The following PARD3B variants were observed in gnomAD, a reference collection of about 807,000 sequenced individuals.
PARD3B encodes par-3 family cell polarity regulator beta, also known as partitioning defective 3 homolog B.
Under a neutral mutation model 130.2 loss-of-function variants are expected in PARD3B, and 103 were observed. That is an observed-to-expected ratio of 0.79 (90% CI 0.67 to 0.93). PARD3B has a LOEUF of 0.93. PARD3B is among the 40% of genes least tolerant of loss of function. PARD3B has a pLI of 0.00. For synonymous variants in PARD3B, 583 were observed against 553.2 expected, an observed-to-expected ratio of 1.05 and a Z score of -0.76; for missense variants, 1,609 against 1,499.2, an observed-to-expected ratio of 1.07 and a Z score of -1.21.
intron 2 of PARD3B, among the ~76,000 whole-genome samples, chr2:204,850,646 A>T (rs1260620212): frequency 6.6e-6 from 1 of 152,156 alleles, no homozygotes; most frequent in Non-Finnish European, 1.5e-5. Flanking sequence ...GTTAGTGGGC[A>T]GTGCTGGCAG....
chr2:205,238,117 A>G (rs2039151253), intron 15 of PARD3B, among the ~76,000 whole-genome samples: 1 of 152,240 alleles, frequency 6.6e-6, no homozygotes, highest in Non-Finnish European at 1.5e-5. Flanking sequence ...TTCACTCAGC[A>G]GACATTAATG....
At chr2:205,259,580 C>G (rs1265020596) in intron 16 of PARD3B, among the ~76,000 whole-genome samples, 2 of 152,010 alleles carry the variant, frequency 1.3e-5, no homozygotes, top group African/African-American at 4.8e-5. Context: ...TGGTATGACT[C>G]CCATGGCTTT....
chr2:204,548,951 A>G (rs2030226721), intron 1 of PARD3B, among the ~76,000 whole-genome samples: 1 of 152,198 alleles, frequency 6.6e-6, no homozygotes, highest in African/African-American at 2.4e-5. Flanking sequence ...TGGGAGAAAG[A>G]CAGGTTTCAA....
chr2:204,926,391 C>T (rs1559266229), intron 2 of PARD3B, among the ~76,000 whole-genome samples: 1 of 152,100 alleles, frequency 6.6e-6, no homozygotes, highest in African/African-American at 2.4e-5. Context: ...TTTCAAGCAA[C>T]TTCTTTTCTC....
rs2046313855 is a variant in PARD3B, at chr2:204,887,795, C to A, written c.223-77357C>A. 6.6e-6 allele frequency among the ~76,000 whole-genome samples: 1 copy of A among 151,978 alleles called. No individual in the cohort carries two copies. The highest frequency in any genetic ancestry group is 1.5e-5 in the Non-Finnish European group (1 of 68,032). On this transcript the variant is annotated intron_variant, in intron 2 of 22. Transcript: ENST00000406610. This position sits in a 1 kb window ranked among gnomAD's most constrained non-coding sequence, Gnocchi z 4.2. ...AAACCAAATAGCGATACAAGGCAAC[C>A]CTACCAGAGGCATACGACCAGACAG... is the stretch of plus-strand genomic sequence containing the variant.
rs549711046 is a variant in PARD3B, at chr2:205,301,328, C to T, written c.2393-136C>T. 14 of 1,410,182 alleles carry T rather than the reference C, an allele frequency of 9.9e-6. No homozygotes were observed. The South Asian group carries it at 1.1e-4, about 11-fold the overall frequency. The allele number at this position is 1,410,182 out of a possible 1,614,324, so 87.4% of individuals were successfully genotyped here. On this transcript the variant is annotated intron_variant, in intron 17 of 22. Transcript: ENST00000406610. The surrounding 1 kb of genome is among the most constrained non-coding windows in gnomAD (Gnocchi z 5.2). Reference sequence around the variant, plus strand: ...TTTAGGCAGTCAGATCTTCAAAGGGCGCACGTAACCACATAGAAGGGTAGA... The same window carrying T: ...TTTAGGCAGTCAGATCTTCAAAGGGTGCACGTAACCACATAGAAGGGTAGA...
chr2:205,493,132 A>G (rs1224168439), intron 20 of PARD3B, among the ~76,000 whole-genome samples: 1 of 152,104 alleles, frequency 6.6e-6, no homozygotes, highest in East Asian at 1.9e-4. Context: ...AGCCTGTTTA[A>G]TTATATTATA....
chr2:205,480,653 T>A (rs1242263353), intron 20 of PARD3B, among the ~76,000 whole-genome samples: 1 of 152,194 alleles, frequency 6.6e-6, no homozygotes, highest in Non-Finnish European at 1.5e-5. Flanking sequence ...AGAGAGTTGT[T>A]CCTTAGTTCA....
intron 2 of PARD3B, among the ~76,000 whole-genome samples, chr2:204,954,233 C>G (rs1360278853): frequency 1.3e-5 from 2 of 152,176 alleles, no homozygotes; most frequent in African/African-American, 4.8e-5. Context: ...CAGCTAAACC[C>G]ACCTGTAGTT....
At chr2:204,661,447 A>G (rs1256485313) in intron 1 of PARD3B, among the ~76,000 whole-genome samples, 2 of 152,130 alleles carry the variant, frequency 1.3e-5, no homozygotes, top group African/African-American at 4.8e-5. Context: ...TAAACAAGAC[A>G]TTTAATATTG....
At chr2:204,965,355 C>A (rs374876468) in intron 3 of PARD3B, 32 bp downstream of exon 3, 2 of 1,594,252 alleles carry the variant, frequency 1.3e-6, no homozygotes, top group Non-Finnish European at 1.7e-6. Flanking sequence ...TTCTTTTCAC[C>A]TGACTGAAGA....
rs974034714 is a variant in PARD3B at position 205,078,145 on chromosome 2, T to C, written c.505-26281T>C. 6.6e-6 allele frequency among the ~76,000 whole-genome samples: 1 copy of C among 152,156 alleles called. No homozygotes were observed. The highest frequency in any genetic ancestry group is 1.5e-5 in the Non-Finnish European group (1 of 68,014). ...GATTTATGTAATTAAGAGTGAGATA[T>C]AGTTTATTTATGAAAAGGTGCTTTT... is the stretch of plus-strand genomic sequence containing the variant. On this transcript the variant is annotated intron_variant, in intron 4 of 22. Transcript: ENST00000406610. The surrounding 1 kb of genome is among the most constrained non-coding windows in gnomAD (Gnocchi z 4.0).
intron 2 of PARD3B, among the ~76,000 whole-genome samples, chr2:204,690,141 A>G (rs1250169632): frequency 6.6e-6 from 1 of 152,100 alleles, no homozygotes; most frequent in South Asian, 2.1e-4. Context: ...TCTTTTCTCT[A>G]GGACCCAGAT....
chr2:204,550,378 C>T (rs545807686), intron 1 of PARD3B, among the ~76,000 whole-genome samples: 17 of 150,606 alleles, frequency 1.1e-4, no homozygotes, highest in Non-Finnish European at 2.4e-4. Context: ...TGGTTGAATC[C>T]GCAGATGCGG....
At chr2:205,210,929 T>A (rs2037596551) in intron 15 of PARD3B, among the ~76,000 whole-genome samples, 1 of 152,068 alleles carries the variant, frequency 6.6e-6, no homozygotes, top group African/African-American at 2.4e-5. Flanking sequence ...AAGATCAAAT[T>A]TCAGCCCTTG....
At chr2:204,956,491 T>A (rs961474827) in intron 2 of PARD3B, among the ~76,000 whole-genome samples, 1 of 152,032 alleles carries the variant, frequency 6.6e-6, no homozygotes. Flanking sequence ...GTAATTTAGT[T>A]AAGATTAACT....
chr2:205,238,418 CA>C, intron 15 of PARD3B, among the ~76,000 whole-genome samples: 1 of 151,786 alleles, frequency 6.6e-6, no homozygotes, highest in Non-Finnish European at 1.5e-5. Flanking sequence ...CCAGCCAGGG[CA>C]ACATAGCAAG....
chr2:205,610,598 T>G (rs916639778), intron 22 of PARD3B, among the ~76,000 whole-genome samples: 2 of 152,156 alleles, frequency 1.3e-5, no homozygotes, highest in Non-Finnish European at 2.9e-5. Context: ...TGAATCCCAG[T>G]GTAAGATTTA....
intron 2 of PARD3B, among the ~76,000 whole-genome samples, chr2:204,748,701 A>T (rs552466592): frequency 6.6e-6 from 1 of 152,124 alleles, no homozygotes; most frequent in Non-Finnish European, 1.5e-5. Flanking sequence ...TGCATTTTTA[A>T]CAAGTTCCTA....
Sources: allele counts gnomAD v4.1 joint callset (sites outside exome capture counted in the v4.1 genomes callset), GRCh38; gene constraint gnomAD v4.1.1; non-coding constraint Gnocchi (gnomAD v3.1); transcripts MANE v1.5; gene names NCBI Gene and HGNC (gene_info 2026-07-23, HGNC 2026-07-21).